The following PDPK1 variants were observed in gnomAD, a reference collection of about 807,000 sequenced individuals.
The protein encoded by PDPK1 is 3-phosphoinositide dependent protein kinase 1.
Under a neutral mutation model 39.8 loss-of-function variants are expected in PDPK1, and 7 were observed. The observed-to-expected ratio is 0.18, with a 90% CI of 0.10 to 0.33. The LOEUF is 0.33. PDPK1 is among the 10% of genes least tolerant of loss of function. The pLI, the probability that PDPK1 is intolerant of heterozygous loss-of-function variation, is 1.00. For missense variants in PDPK1, 182 were observed against 384.7 expected (o/e 0.47, Z 4.41); for synonymous variants, 118 against 159.1 (o/e 0.74, Z 1.95).
chr16:2,576,669 A>G (rs1432603072), intron 6 of PDPK1: 2 of 148,080 alleles, frequency 1.4e-5, no homozygotes, highest in African/African-American at 2.7e-5. Flanking sequence ...GAGTCTCACT[A>G]TGTTGCTCAG....
At position 2,586,667 on chromosome 16, in the gene PDPK1, TCTC is replaced by T. The variant is rs926556730; in HGVS notation, c.1126-8_1126-6del. The stretch of plus-strand genomic sequence containing the variant: ...AGGTGCGGTTCTCACTTTCCCTTCT[TCTC>T]TGCAGTATGACAATCTCCTGAGCCA... On this transcript the variant is annotated splice_region_variant and splice_polypyrimidine_tract_variant and intron_variant, in intron 10 of 13. Transcript: ENST00000342085. 1 of 1,613,222 alleles carries T rather than the reference TCTC, an allele frequency of 6.2e-7. No individual in the cohort carries two copies. Among genetic ancestry groups the T allele is most frequent in the African/African-American group, 1.3e-5 (1 of 74,924 alleles).
In PDPK1 at chr16:2,538,074, C is replaced by G; in HGVS notation, c.-39C>G. ...GACGCTGAGGAGGCGCCGAGCCGCG[C>G]AGCGCTGCGGGGGAGGCGCCCGCGC... On this transcript the variant is annotated 5_prime_UTR_variant, in exon 1 of 14. Coordinates refer to ENST00000342085, the MANE Select transcript of PDPK1 (RefSeq NM_002613.5). The G allele has an allele frequency of 9.9e-7, 1 of 1,014,296 alleles. No homozygotes were observed. Among genetic ancestry groups the G allele is most frequent in the Non-Finnish European group, 1.2e-6 (1 of 839,722 alleles). The allele number at this position is 1,014,296 out of a possible 1,614,324, so 62.8% of individuals were successfully genotyped here.
Position 2,597,574 on chromosome 16 carries a change from G to A in PDPK1, c.1555-77G>A, listed in dbSNP as rs950500719. 7 of 1,044,394 alleles carry A rather than the reference G, an allele frequency of 6.7e-6. No homozygotes were observed. Among genetic ancestry groups the A allele is most frequent in the African/African-American group, 4.7e-5 (3 of 64,002 alleles). The allele number at this position is 1,044,394 out of a possible 1,614,324, so 64.7% of individuals were successfully genotyped here. A position where few individuals can be genotyped will look rare whatever the true frequency, so the allele number is the denominator to read the frequency against. On this transcript the variant is annotated intron_variant, in intron 13 of 13. Coordinates refer to ENST00000342085, the MANE Select transcript of PDPK1 (RefSeq NM_002613.5). The surrounding 1 kb of genome is among the most constrained non-coding windows in gnomAD (Gnocchi z 6.3). ...CTTTCAGGACTCGGAATGGCTGGTC[G>A]CAGGCAGCTCACCAGGTTGGGGTGG...
At position 2,599,990 on chromosome 16, in the gene PDPK1, A is replaced by T. The variant is rs1437378981; in HGVS notation, c.*2223A>T. On this transcript the variant is annotated 3_prime_UTR_variant, in exon 14 of 14. Coordinates refer to ENST00000342085, the MANE Select transcript of PDPK1 (RefSeq NM_002613.5). ...CCAGAGCTGGCAGCCGCCAGCCAAA[A>T]TGATGCCATTGCCTGAGCTGACAGC... is the stretch of plus-strand genomic sequence containing the variant. The T allele has an allele frequency of 4.3e-6, 1 of 232,934 alleles. No homozygotes were observed. The highest frequency in any genetic ancestry group is 8.5e-6 in the Non-Finnish European group (1 of 118,068). 14.4% of individuals were successfully genotyped at this position (232,934 alleles called of 1,614,324 possible). A position where few individuals can be genotyped will look rare whatever the true frequency, so the allele number is the denominator to read the frequency against.
intron 11 of PDPK1, among the ~76,000 whole-genome samples, chr16:2,594,856 T>C (rs1299147743): frequency 6.6e-6 from 1 of 152,042 alleles, no homozygotes; most frequent in African/African-American, 2.4e-5. Context: ...GCACAGTGGC[T>C]CACGCCTATA....
At chr16:2,591,196 C>G (rs1443866891) in intron 11 of PDPK1, among the ~76,000 whole-genome samples, 1 of 152,156 alleles carries the variant, frequency 6.6e-6, no homozygotes, top group African/African-American at 2.4e-5. Flanking sequence ...CTCCTGACCT[C>G]AAGTGATTCA....
rs2067173876 is a variant in PDPK1 at position 2,599,609 on chromosome 16, C to G, written c.*1842C>G. 1 of 232,906 alleles carries G rather than the reference C, an allele frequency of 4.3e-6. No homozygotes were observed. The highest frequency in any genetic ancestry group is 6.0e-5 in the East Asian group (1 of 16,536). The allele number at this position is 232,906 out of a possible 1,614,324, so 14.4% of individuals were successfully genotyped here. On this transcript the variant is annotated 3_prime_UTR_variant, in exon 14 of 14. Coordinates refer to ENST00000342085, the MANE Select transcript of PDPK1 (RefSeq NM_002613.5). ...CCAGCACGTTGCCCTGGGCCTGTGG[C>G]CGGAGTCGGAGTCCTCTCTCCTCCT...
At chr16:2,586,621 T>A in intron 10 of PDPK1, 55 bp from the exon 11 acceptor site, 1 of 1,512,636 alleles carries the variant, frequency 6.6e-7, no homozygotes. Flanking sequence ...GCTGGGGTTT[T>A]AGGACCTTAG....
Position 2,590,825 on chromosome 16 carries a change from AAAG to A in PDPK1, c.1343+3935_1343+3937del, listed in dbSNP as rs537936289. Among the ~76,000 whole-genome samples the A allele has an allele frequency of 1.9e-3, 286 of 152,286 alleles. 3 individuals carry two copies. Among genetic ancestry groups the A allele is most frequent in the African/African-American group, 6.3e-3 (263 of 41,548 alleles). On this transcript the variant is annotated intron_variant, in intron 11 of 13. Coordinates refer to ENST00000342085, the MANE Select transcript of PDPK1 (RefSeq NM_002613.5). ...TTTGTTTGTTTATATTATTTTTTAA[AAAG>A]AAAGAGACAAGCTCTCACTATGTTA...
chr16:2,598,953 T>C lies in PDPK1; in HGVS notation c.*1186T>C, dbSNP rs1264555824. On this transcript the variant is annotated 3_prime_UTR_variant, in exon 14 of 14. Transcript: ENST00000342085. ...TGCCGGCTCATCTGGGCCCATAGAG[T>C]GGGCTTTGCCAGTTGCTGTTGCACA... 2 of 233,030 alleles carry C rather than the reference T, an allele frequency of 8.6e-6. No homozygotes were observed. Among genetic ancestry groups the C allele is most frequent in the Non-Finnish European group, 8.5e-6 (1 of 118,038 alleles). 14.4% of individuals were successfully genotyped at this position (233,030 alleles called of 1,614,324 possible).
rs1297801689 is a variant in PDPK1 at position 2,589,041 on chromosome 16, C to T, written c.1343+2148C>T. On this transcript the variant is annotated intron_variant, in intron 11 of 13. Transcript: ENST00000342085. ...GCGTGATCTCTGCTCACACAACCTC[C>T]GCCTCCTGGGTTAAAGTGATTCTCC... Among the ~76,000 whole-genome samples the T allele has an allele frequency of 3.3e-5, 5 of 152,154 alleles. No individual in the cohort carries two copies. The South Asian group carries it at 8.3e-4, about 25-fold the overall frequency.
intron 1 of PDPK1, among the ~76,000 whole-genome samples, chr16:2,552,093 C>T (rs1324242510): frequency 6.6e-6 from 1 of 151,394 alleles, no homozygotes; most frequent in East Asian, 1.9e-4. Context: ...CTCAGCCTCA[C>T]AGGTAGCTAG....
intron 11 of PDPK1, among the ~76,000 whole-genome samples, chr16:2,588,279 A>G (rs1451751793): frequency 6.6e-6 from 1 of 152,204 alleles, no homozygotes; most frequent in East Asian, 1.9e-4. Context: ...TGTACTGAGC[A>G]GGAGAGGAGG....
At chr16:2,539,573 G>A (rs2066206935) in intron 1 of PDPK1, 1 of 152,228 alleles carries the variant, frequency 6.6e-6, no homozygotes, top group Non-Finnish European at 1.5e-5. Flanking sequence ...TTGTAGAGAT[G>A]CGTGTTAAGG....
At chr16:2,594,843 C>T (rs1177985449) in intron 11 of PDPK1, among the ~76,000 whole-genome samples, 2 of 152,054 alleles carry the variant, frequency 1.3e-5, no homozygotes, top group Non-Finnish European at 1.5e-5. Flanking sequence ...ATTAGCCTGG[C>T]GGGCACAGTG....
chr16:2,595,298 G>C (rs1030093319), intron 11 of PDPK1, among the ~76,000 whole-genome samples: 1 of 152,190 alleles, frequency 6.6e-6, no homozygotes, highest in African/African-American at 2.4e-5. Context: ...TCCAACTTGG[G>C]TCTGTCAGAG....
chr16:2,592,686 AAATC>A, intron 11 of PDPK1: 1 of 421,850 alleles, frequency 2.4e-6, no homozygotes, highest in Non-Finnish European at 4.7e-6. Context: ...AAAAAAAAAA[AAATC>A]AAGGTGATTC....
chr16:2,587,802 T>C (rs1433650982), intron 11 of PDPK1, among the ~76,000 whole-genome samples: 1 of 152,284 alleles, frequency 6.6e-6, no homozygotes, highest in Non-Finnish European at 1.5e-5. Flanking sequence ...CAAACATTCT[T>C]CAGTTTCTCT....
At chr16:2,588,543 G>T (rs1364202634) in intron 11 of PDPK1, among the ~76,000 whole-genome samples, 3 of 152,218 alleles carry the variant, frequency 2.0e-5, no homozygotes, top group Non-Finnish European at 2.9e-5. Context: ...GCCTGGGGCT[G>T]TTCTTAGAGG....
Sources: allele counts gnomAD v4.1 joint callset (sites outside exome capture counted in the v4.1 genomes callset), GRCh38; gene constraint gnomAD v4.1.1; non-coding constraint Gnocchi (gnomAD v3.1); transcripts MANE v1.5; gene names NCBI Gene and HGNC (gene_info 2026-07-23, HGNC 2026-07-21).